Variants in MPV17 observed in about 807,000 individuals in gnomAD.
The protein encoded by MPV17 is mitochondrial inner membrane protein MPV17.
MPV17 carries 31 observed loss-of-function variants against 28.6 expected under a neutral mutation model. That is an observed-to-expected ratio of 1.08 (90% CI 0.81 to 1.46). The LOEUF is 1.46. MPV17 is among the 40% of genes most tolerant of loss of function. MPV17 has a pLI of 0.00. For missense variants in MPV17, 198 were observed against 216.2 expected, an observed-to-expected ratio of 0.92 and a Z score of 0.53; for synonymous variants, 87 against 85.3, an observed-to-expected ratio of 1.02 and a Z score of -0.11.
At chr2:27,312,360 C>A (rs772531611) in intron 5 of MPV17, 114 bp from the exon 6 acceptor site, 3 of 1,416,872 alleles carry the variant, frequency 2.1e-6, no homozygotes, top group East Asian at 2.3e-5. Flanking sequence ...TGCACCATAA[C>A]CCTCAGCTCC....
chr2:27,312,043 A>C, intron 6 of MPV17, 92 bp from the exon 7 acceptor site: 1 of 1,519,256 alleles, frequency 6.6e-7, no homozygotes, highest in East Asian at 2.3e-5. Context: ...TTCTGCACAC[A>C]AGAAAAAGGT....
intron 7 of MPV17, chr2:27,311,669 G>T (rs1324762899): frequency 3.2e-6 from 5 of 1,550,728 alleles, no homozygotes; most frequent in Non-Finnish European, 4.4e-6. Flanking sequence ...GGTAGAAGCA[G>T]GATCCTCCCT....
chr2:27,311,892 A>C lies in MPV17; in HGVS notation c.461+7T>G, dbSNP rs1480749505. ...TCCTTGATGGGTGGGGTAGGGGTGC[A>C]ACATACCTGTAATGAAGGGGGACCA... is the stretch of plus-strand genomic sequence containing the variant. On this transcript the variant is annotated splice_region_variant and intron_variant, in intron 7 of 7. Coordinates refer to ENST00000380044, the MANE Select transcript of MPV17 (RefSeq NM_002437.5). The C allele has an allele frequency of 6.2e-7, 1 of 1,613,376 alleles. No homozygotes were observed. The highest frequency in any genetic ancestry group is 8.5e-7 in the Non-Finnish European group (1 of 1,179,820).
intron 2 of MPV17, among the ~76,000 whole-genome samples, chr2:27,320,413 C>T (rs1251636931): frequency 6.6e-6 from 1 of 151,150 alleles, no homozygotes; most frequent in Non-Finnish European, 1.5e-5. Context: ...CTTGGCTCAC[C>T]GCAACCTCTG....
At chr2:27,320,840 C>A (rs1679831059) in intron 2 of MPV17, among the ~76,000 whole-genome samples, 1 of 152,168 alleles carries the variant, frequency 6.6e-6, no homozygotes, top group Non-Finnish European at 1.5e-5. Context: ...GCTCAGTGAA[C>A]TAAAGCCACT....
intron 2 of MPV17, chr2:27,315,974 C>G: frequency 6.7e-7 from 1 of 1,496,944 alleles, no homozygotes; most frequent in Non-Finnish European, 8.9e-7. Flanking sequence ...CAGGGTATTC[C>G]TGGCATGGGC....
Position 27,309,582 on chromosome 2 carries a change from G to A in MPV17, c.*330C>T. ...AAGAGCTGGAGCTACAAGAAGCCTA[G>A]GCAGGGTTAGAGTAACAAATGTGTC... On this transcript the variant is annotated 3_prime_UTR_variant, in exon 8 of 8. Coordinates refer to ENST00000380044, the MANE Select transcript of MPV17 (RefSeq NM_002437.5). 1.8e-6 allele frequency: 1 copy of A among 546,776 alleles called. No homozygotes were observed. The highest frequency in any genetic ancestry group is 3.3e-6 in the Non-Finnish European group (1 of 305,586). The allele number at this position is 546,776 out of a possible 1,614,324, so 33.9% of individuals were successfully genotyped here.
chr2:27,317,589 C>T lies in MPV17; in HGVS notation c.71-4480G>A, dbSNP rs560360368. On this transcript the variant is annotated intron_variant, in intron 2 of 7. Transcript: ENST00000380044. This position sits in a 1 kb window ranked among gnomAD's most constrained non-coding sequence, Gnocchi z 4.0. ...CCCACTCCTGCCTCAGTTTCCTTCT[C>T]TGCAGTCTCCTGGGCTGGACAGGAT... Among the ~76,000 whole-genome samples, 1 of 152,308 alleles carries T rather than the reference C, an allele frequency of 6.6e-6. No individual in the cohort carries two copies. Among genetic ancestry groups the T allele is most frequent in the Admixed American group, 6.5e-5 (1 of 15,300 alleles).
Position 27,322,961 on chromosome 2 carries a change from C to T in MPV17, c.-6+91G>A, listed in dbSNP as rs145562001. 2.0e-3 allele frequency: 498 copies of T among 251,498 alleles called. 1 individual carries two copies. The highest frequency in any genetic ancestry group is 0.01 in the African/African-American group (459 of 44,790). The allele number at this position is 251,498 out of a possible 1,614,324, so 15.6% of individuals were successfully genotyped here. On this transcript the variant is annotated intron_variant, in intron 1 of 7. Transcript: ENST00000380044. ...GCTCCAAACCGAAAATAGGGCCCGT[C>T]ACTGCCCGGATATAGGATGACCACA... is the stretch of plus-strand genomic sequence containing the variant.
In MPV17 at chr2:27,309,894, C is replaced by T. The variant is rs201679811; in HGVS notation, c.*18G>A. On this transcript the variant is annotated 3_prime_UTR_variant, in exon 8 of 8. Coordinates refer to ENST00000380044, the MANE Select transcript of MPV17 (RefSeq NM_002437.5). ...AAGCTGCATCACTGCAAGGTGGAAA[C>T]GATGGAGTGAGGCAGGCTTAGAGCC... The T allele has an allele frequency of 1.1e-5, 18 of 1,609,014 alleles. No individual in the cohort carries two copies. Among genetic ancestry groups the T allele is most frequent in the East Asian group, 6.7e-5 (3 of 44,858 alleles).
intron 7 of MPV17, 170 bp downstream of exon 7, chr2:27,311,729 A>C: frequency 6.4e-7 from 1 of 1,552,738 alleles, no homozygotes; most frequent in Non-Finnish European, 8.7e-7. Flanking sequence ...AGTTTCCGGA[A>C]ATGGCAAGAC....
At chr2:27,318,825 C>G (rs905560371) in intron 2 of MPV17, among the ~76,000 whole-genome samples, 4 of 151,844 alleles carry the variant, frequency 2.6e-5, no homozygotes, top group African/African-American at 9.7e-5. Context: ...AGTGCTGTAG[C>G]GCAATCTCAG....
rs79064596 is a variant in MPV17, at chr2:27,322,322, T to G, written c.70+126A>C. On this transcript the variant is annotated intron_variant, in intron 2 of 7. Transcript: ENST00000380044. ...AAAACAGACTGGGGACAGTGTAGGA[T>G]GAAAGACAGCCAACCCTTCAAGAGA... 2.7e-4 allele frequency: 238 copies of G among 879,528 alleles called. 1 individual carries two copies. The African/African-American group carries it at 3.5e-3, about 13-fold the overall frequency. 54.5% of individuals were successfully genotyped at this position (879,528 alleles called of 1,614,324 possible). A position where few individuals can be genotyped will look rare whatever the true frequency, so the allele number is the denominator to read the frequency against.
Position 27,309,527 on chromosome 2 carries a change from G to A in MPV17, c.*385C>T. ...CATATTTAATAACATATTTACTGAG[G>A]CACCATATAAAGGGTTCCGGGAGTC... On this transcript the variant is annotated 3_prime_UTR_variant, in exon 8 of 8. Transcript: ENST00000380044. 1.3e-5 allele frequency: 5 copies of A among 391,244 alleles called. No individual in the cohort carries two copies. The highest frequency in any genetic ancestry group is 2.3e-5 in the Non-Finnish European group (5 of 216,222). 24.2% of individuals were successfully genotyped at this position (391,244 alleles called of 1,614,324 possible). A position where few individuals can be genotyped will look rare whatever the true frequency, so the allele number is the denominator to read the frequency against.
chr2:27,322,905 T>C (rs1679909541), intron 1 of MPV17, 147 bp downstream of exon 1: 1 of 332,536 alleles, frequency 3.0e-6, no homozygotes, highest in African/African-American at 2.1e-5. Context: ...TCAGACTTGG[T>C]TGGAACCAGT....
Position 27,317,035 on chromosome 2 carries a change from C to T in MPV17, c.71-3926G>A. 6.6e-7 allele frequency: 1 copy of T among 1,506,526 alleles called. No homozygotes were observed. The highest frequency in any genetic ancestry group is 8.9e-7 in the Non-Finnish European group (1 of 1,120,088). 93.3% of individuals were successfully genotyped at this position (1,506,526 alleles called of 1,614,324 possible). The stretch of plus-strand genomic sequence containing the variant: ...TCCACACCCTCTTCCCGGGCATGGG[C>T]AGGGTAAATTCCCTACTTCTCCTAT... On this transcript the variant is annotated intron_variant, in intron 2 of 7. Coordinates refer to ENST00000380044, the MANE Select transcript of MPV17 (RefSeq NM_002437.5). This position sits in a 1 kb window ranked among gnomAD's most constrained non-coding sequence, Gnocchi z 4.0.
In MPV17 at chr2:27,317,772, AGAAG is replaced by A. The variant is rs1055905593; in HGVS notation, c.71-4667_71-4664del. On this transcript the variant is annotated intron_variant, in intron 2 of 7. Transcript: ENST00000380044. The surrounding 1 kb of genome is among the most constrained non-coding windows in gnomAD (Gnocchi z 4.0). ...CACTGGAGAGTGGAAGGGCCCTCAA[AGAAG>A]GAAGGGATAAGGCTGACTCACACTC... is the stretch of plus-strand genomic sequence containing the variant. 6.6e-6 allele frequency among the ~76,000 whole-genome samples: 1 copy of A among 152,254 alleles called. No individual in the cohort carries two copies. The highest frequency in any genetic ancestry group is 1.5e-5 in the Non-Finnish European group (1 of 68,042).
rs751134093 is a variant in MPV17 at position 27,313,110 on chromosome 2, C to A, written c.71-1G>T. ...ATGTCACCCAGGCCCATCAGGGACC[C>A]TATGCAGGGTACACAGGTGTTGTCA... On this transcript the variant is annotated splice_acceptor_variant, in intron 2 of 7. Coordinates refer to ENST00000380044, the MANE Select transcript of MPV17 (RefSeq NM_002437.5). LOFTEE classifies it high-confidence loss of function. 2.5e-6 allele frequency: 4 copies of A among 1,614,068 alleles called. No individual in the cohort carries two copies. Among genetic ancestry groups the A allele is most frequent in the Non-Finnish European group, 3.4e-6 (4 of 1,180,024 alleles).
chr2:27,312,634 C>G, intron 4 of MPV17, 45 bp from the exon 5 acceptor site: 1 of 1,613,092 alleles, frequency 6.2e-7, no homozygotes, highest in Non-Finnish European at 8.5e-7. Flanking sequence ...AAATCCCCAC[C>G]TACCCCCAAC....
Sources: allele counts gnomAD v4.1 joint callset (sites outside exome capture counted in the v4.1 genomes callset), GRCh38; gene constraint gnomAD v4.1.1; non-coding constraint Gnocchi (gnomAD v3.1); transcripts MANE v1.5; gene names NCBI Gene and HGNC (gene_info 2026-07-23, HGNC 2026-07-21).